Variants in PPARGC1A observed in about 807,000 individuals in gnomAD.
PPARGC1A encodes the protein peroxisome proliferator-activated receptor gamma coactivator 1-alpha.
In PPARGC1A, 25 loss-of-function variants were observed where a neutral mutation model predicts 88.7. The observed-to-expected ratio is 0.28, with a 90% CI of 0.21 to 0.39. PPARGC1A has a LOEUF of 0.39. Among genes scored for constraint, PPARGC1A ranks in the 10% least tolerant of loss-of-function variants. The probability of loss-of-function intolerance (pLI) is 1.00; values close to 1 mark genes in which losing one functional copy is unlikely to be tolerated. For synonymous variants in PPARGC1A, 363 were observed against 355.6 expected (o/e 1.02, Z -0.24); for missense variants, 880 against 968.7 (o/e 0.91, Z 1.22).
chr4:23,807,737 G>GTGTGTGTGTGTGTGTGTA (rs748770211), intron 10 of PPARGC1A, among the ~76,000 whole-genome samples: 1 of 147,548 alleles, frequency 6.8e-6, no homozygotes, highest in Non-Finnish European at 1.5e-5. Context: ...TTTTTCTTTT[G>GTGTGTGTGTGTGTGTGTA]TGTGTGTGTG....
intron 1 of PPARGC1A, among the ~76,000 whole-genome samples, chr4:23,899,089 C>T (rs996011010): frequency 6.6e-6 from 1 of 151,818 alleles, no homozygotes; most frequent in Admixed American, 6.6e-5. Flanking sequence ...ATCCACCCCC[C>T]CCCGGCCTTG....
chr4:24,145,006 A>T, the PPARGC1A span, among the ~76,000 whole-genome samples: 1 of 151,006 alleles, frequency 6.6e-6, no homozygotes, highest in African/African-American at 2.4e-5. Flanking sequence ...GCAATAATTT[A>T]TATCTTGCAT....
the PPARGC1A span, among the ~76,000 whole-genome samples, chr4:24,233,794 C>G: frequency 6.6e-6 from 1 of 151,880 alleles, no homozygotes; most frequent in Non-Finnish European, 1.5e-5. Context: ...GGGCTAAAGA[C>G]CAAAAAGTTA....
the PPARGC1A span, among the ~76,000 whole-genome samples, chr4:24,235,975 C>A: frequency 6.6e-6 from 1 of 152,190 alleles, no homozygotes; most frequent in Non-Finnish European, 1.5e-5. Context: ...TATGGATTAA[C>A]AATCTCAGAC....
the PPARGC1A span, among the ~76,000 whole-genome samples, chr4:24,471,015 C>T: frequency 6.6e-6 from 1 of 151,456 alleles, no homozygotes; most frequent in South Asian, 2.1e-4. The surrounding 1 kb of genome is among the most constrained non-coding windows in gnomAD (Gnocchi z 5.4). Context: ...GCGCCCCGGG[C>T]CCGGGAGGGA....
the PPARGC1A span, among the ~76,000 whole-genome samples, chr4:24,447,242 C>T: frequency 6.6e-6 from 1 of 152,228 alleles, no homozygotes; most frequent in African/African-American, 2.4e-5. Context: ...ATTGACACTT[C>T]CATCATTGCC....
chr4:24,266,340 C>G, the PPARGC1A span, among the ~76,000 whole-genome samples: 15 of 152,230 alleles, frequency 9.9e-5, no homozygotes, highest in South Asian at 2.9e-3. Context: ...AATGCAGCTG[C>G]TCTGTTAGAT....
At chr4:24,413,239 C>CCTTT in the PPARGC1A span, among the ~76,000 whole-genome samples, 1 of 34,422 alleles carries the variant, frequency 2.9e-5, no homozygotes. Flanking sequence ...TGCCTGGCTT[C>CCTTT]ATTTTTTTTT....
the PPARGC1A span, among the ~76,000 whole-genome samples, chr4:23,965,367 G>A: frequency 6.6e-6 from 1 of 152,158 alleles, no homozygotes; most frequent in Non-Finnish European, 1.5e-5. Flanking sequence ...TTGACACTAT[G>A]TCTGGCCCAC....
chr4:23,852,011 A>G (rs1363835347), intron 2 of PPARGC1A, among the ~76,000 whole-genome samples: 1 of 152,188 alleles, frequency 6.6e-6, no homozygotes, highest in Admixed American at 6.5e-5. Flanking sequence ...GTCCACAACC[A>G]AGAGTTTCAG....
the PPARGC1A span, among the ~76,000 whole-genome samples, chr4:24,094,338 G>A: frequency 3.3e-5 from 5 of 152,148 alleles, no homozygotes; most frequent in Non-Finnish European, 7.4e-5. Flanking sequence ...AATCTAGCTA[G>A]AACATAGATC....
chr4:24,160,811 G>A, the PPARGC1A span, among the ~76,000 whole-genome samples: 1 of 152,114 alleles, frequency 6.6e-6, no homozygotes, highest in East Asian at 1.9e-4. Context: ...CTAGAAACAA[G>A]CTGCAATTTA....
the PPARGC1A span, among the ~76,000 whole-genome samples, chr4:24,221,876 T>C: frequency 6.6e-6 from 1 of 152,212 alleles, no homozygotes. Flanking sequence ...GTAAGACCGT[T>C]CTTCACTCAA....
the PPARGC1A span, among the ~76,000 whole-genome samples, chr4:24,024,467 T>C: frequency 6.6e-6 from 1 of 152,224 alleles, no homozygotes; most frequent in Non-Finnish European, 1.5e-5. Context: ...ACTGTCTGCC[T>C]GTATTGTCCT....
the PPARGC1A span, among the ~76,000 whole-genome samples, chr4:24,171,868 G>C: frequency 6.6e-6 from 1 of 152,124 alleles, no homozygotes; most frequent in Non-Finnish European, 1.5e-5. Context: ...TCATGTCATG[G>C]GTTTCTTTTA....
chr4:23,910,318 ATATATAT>A, the PPARGC1A span, among the ~76,000 whole-genome samples: 2 of 35,872 alleles, frequency 5.6e-5, no homozygotes, highest in Admixed American at 3.3e-4. Context: ...ATATAATATT[ATATATAT>A]TATATATTAT....
chr4:24,287,086 C>T, the PPARGC1A span, among the ~76,000 whole-genome samples: 1 of 152,112 alleles, frequency 6.6e-6, no homozygotes, highest in Non-Finnish European at 1.5e-5. Flanking sequence ...CACCGACATT[C>T]ATTTTAGGTT....
chr4:23,947,352 G>GAGATATATATAT, the PPARGC1A span, among the ~76,000 whole-genome samples: 2 of 75,882 alleles, frequency 2.6e-5, no homozygotes, highest in Non-Finnish European at 4.6e-5. Context: ...GTTATATAGT[G>GAGATATATATAT]ATATATATAT....
the PPARGC1A span, among the ~76,000 whole-genome samples, chr4:24,470,796 C>T: frequency 6.6e-6 from 1 of 151,716 alleles, no homozygotes; most frequent in Non-Finnish European, 1.5e-5. This position sits in a 1 kb window ranked among gnomAD's most constrained non-coding sequence, Gnocchi z 5.8. Flanking sequence ...GGAGCCTCTC[C>T]AAGGCTCCGG....
Sources: allele counts gnomAD v4.1 joint callset (sites outside exome capture counted in the v4.1 genomes callset), GRCh38; gene constraint gnomAD v4.1.1; non-coding constraint Gnocchi (gnomAD v3.1); transcripts MANE v1.5; gene names NCBI Gene and HGNC (gene_info 2026-07-23, HGNC 2026-07-21).